The following RALGAPA2 variants were observed in gnomAD, a reference collection of about 807,000 sequenced individuals.
RALGAPA2 encodes Ral GTPase activating protein catalytic subunit alpha 2.
In RALGAPA2, 139 loss-of-function variants were observed where a neutral mutation model predicts 230.4. The ratio of observed to expected loss-of-function variants is 0.60; its 90% CI spans 0.53 to 0.69. The LOEUF (loss-of-function observed/expected upper bound fraction) is 0.69, where lower values mean the gene tolerates loss of function less well. RALGAPA2 is among the 30% of genes least tolerant of loss of function. The pLI, the probability that RALGAPA2 is intolerant of heterozygous loss-of-function variation, is 0.00. For missense variants in RALGAPA2, 2,163 were observed against 2,276.0 expected, an observed-to-expected ratio of 0.95 and a Z score of 1.01; for synonymous variants, 847 against 837.8, an observed-to-expected ratio of 1.01 and a Z score of -0.19.
chr20:20,512,451 T>C (rs2062740752), intron 32 of RALGAPA2, 62 bp downstream of exon 32: 30 of 1,415,898 alleles, frequency 2.1e-5, no homozygotes, highest in Non-Finnish European at 2.8e-5. Flanking sequence ...CACAAACTGA[T>C]AAAAAGAACA....
intron 20 of RALGAPA2, among the ~76,000 whole-genome samples, chr20:20,577,889 T>C (rs2064869381): frequency 6.6e-6 from 1 of 152,054 alleles, no homozygotes; most frequent in Non-Finnish European, 1.5e-5. Context: ...CAGAGATTGG[T>C]CCCCAGCATC....
At chr20:20,710,909 C>T (rs1254053619) in intron 1 of RALGAPA2, among the ~76,000 whole-genome samples, 1 of 152,156 alleles carries the variant, frequency 6.6e-6, no homozygotes, top group Admixed American at 6.5e-5. Context: ...AATGTCCCTG[C>T]AGTAGGTGTT....
At chr20:20,613,979 T>C (rs2066056124) in intron 13 of RALGAPA2, among the ~76,000 whole-genome samples, 1 of 152,210 alleles carries the variant, frequency 6.6e-6, no homozygotes, top group South Asian at 2.1e-4. Flanking sequence ...TATGAGGATG[T>C]AACCTCATGA....
chr20:20,591,046 A>AAG lies in RALGAPA2; in HGVS notation c.2341+130_2341+131insCT, dbSNP rs1306249365. ...TCATTGCCATAAATCACATCCTTCT[A>AAG]ATCAAATTAAAAAGGTAATTCCCTT... On this transcript the variant is annotated intron_variant, in intron 17 of 39. Coordinates refer to ENST00000202677, the MANE Select transcript of RALGAPA2 (RefSeq NM_020343.4). 2.6e-5 allele frequency: 28 copies of AAG among 1,090,350 alleles called. No homozygotes were observed. The African/African-American group carries it at 4.0e-4, about 16-fold the overall frequency. The allele number at this position is 1,090,350 out of a possible 1,614,324, so 67.5% of individuals were successfully genotyped here.
At chr20:20,422,256 C>G (rs562690793) in intron 37 of RALGAPA2, among the ~76,000 whole-genome samples, 55 of 152,234 alleles carry the variant, frequency 3.6e-4, no homozygotes, top group Non-Finnish European at 5.4e-4. Flanking sequence ...TTGTATTATA[C>G]ATTTTAAAAG....
rs1288325048 is a variant in RALGAPA2, at chr20:20,390,296, T to A, written c.*2993A>T. Reference sequence around the variant, plus strand: ...TTTGGGTCACCCCACTTCCCCAACATGTGGCTCTTAGGAACCGCAGACTTT... The same window carrying A: ...TTTGGGTCACCCCACTTCCCCAACAAGTGGCTCTTAGGAACCGCAGACTTT... On this transcript the variant is annotated 3_prime_UTR_variant, in exon 40 of 40. Transcript: ENST00000202677. The A allele has an allele frequency of 1.3e-5, 2 of 152,248 alleles. No individual in the cohort carries two copies. Among genetic ancestry groups the A allele is most frequent in the African/African-American group, 4.8e-5 (2 of 41,466 alleles). The allele number at this position is 152,248 out of a possible 1,614,324, so 9.4% of individuals were successfully genotyped here.
chr20:20,647,597 G>GA (rs1568699986), intron 4 of RALGAPA2, among the ~76,000 whole-genome samples: 1 of 152,066 alleles, frequency 6.6e-6, no homozygotes. Flanking sequence ...ATCCATAAAA[G>GA]AAAAAACTGA....
intron 10 of RALGAPA2, among the ~76,000 whole-genome samples, chr20:20,624,618 A>G (rs991311534): frequency 1.3e-5 from 2 of 152,180 alleles, no homozygotes; most frequent in African/African-American, 4.8e-5. Flanking sequence ...AGAGGGGGCT[A>G]AAGAAAATAC....
intron 31 of RALGAPA2, among the ~76,000 whole-genome samples, chr20:20,513,566 A>T (rs1309145430): frequency 1.3e-5 from 2 of 152,168 alleles, no homozygotes; most frequent in African/African-American, 4.8e-5. Flanking sequence ...TCCAGCTGGT[A>T]AGAGTGAGTG....
chr20:20,681,437 G>T (rs756024655), intron 1 of RALGAPA2, among the ~76,000 whole-genome samples: 3 of 152,148 alleles, frequency 2.0e-5, no homozygotes, highest in African/African-American at 7.2e-5. Flanking sequence ...CACAGACTGC[G>T]GATAGATAGG....
chr20:20,471,414 ATTTTTTTTTTTTTTT>A (rs34179853), intron 37 of RALGAPA2: 2 of 125,518 alleles, frequency 1.6e-5, no homozygotes, highest in Non-Finnish European at 3.4e-5. Flanking sequence ...GTAAAATAAG[ATTTTTTTTTTTTTTT>A]TTTTTTTGCT....
At chr20:20,654,457 T>C (rs553774673) in intron 3 of RALGAPA2, among the ~76,000 whole-genome samples, 1 of 152,364 alleles carries the variant, frequency 6.6e-6, no homozygotes, top group East Asian at 1.9e-4. Context: ...CCCAAAGTGC[T>C]TGGATTACAG....
intron 9 of RALGAPA2, among the ~76,000 whole-genome samples, chr20:20,633,033 CTTTCTT>C: frequency 6.7e-6 from 1 of 149,810 alleles, no homozygotes; most frequent in Non-Finnish European, 1.5e-5. Context: ...CTCTTTCTTT[CTTTCTT>C]TTTCTTTCCT....
In RALGAPA2 at chr20:20,635,638, T is replaced by C. The variant is rs76813178; in HGVS notation, c.806-21A>G. Reference sequence around the variant, plus strand: ...GATGTCTGGTAGAAGAAAGAACACATGATTGATTAGGTTAATAAATCATAA... The same window carrying C: ...GATGTCTGGTAGAAGAAAGAACACACGATTGATTAGGTTAATAAATCATAA... On this transcript the variant is annotated intron_variant, in intron 8 of 39. Coordinates refer to ENST00000202677, the MANE Select transcript of RALGAPA2 (RefSeq NM_020343.4). 1,765 of 1,484,450 alleles carry C rather than the reference T, an allele frequency of 1.2e-3. 16 individuals carry two copies. In the East Asian group the frequency reaches 0.021, roughly 18 times the overall value. 92.0% of individuals were successfully genotyped at this position (1,484,450 alleles called of 1,614,324 possible). A position where few individuals can be genotyped will look rare whatever the true frequency, so the allele number is the denominator to read the frequency against.
chr20:20,645,447 A>G (rs2067182247), intron 4 of RALGAPA2, among the ~76,000 whole-genome samples: 1 of 151,986 alleles, frequency 6.6e-6, no homozygotes, highest in African/African-American at 2.4e-5. Context: ...TGGACTACCT[A>G]TAGATGCCTA....
At chr20:20,702,704 T>A in intron 1 of RALGAPA2, among the ~76,000 whole-genome samples, 1 of 152,336 alleles carries the variant, frequency 6.6e-6, no homozygotes, top group Non-Finnish European at 1.5e-5. Flanking sequence ...CACATTCTTA[T>A]GGCTCTCATA....
At chr20:20,408,758 T>C (rs2059997891) in intron 38 of RALGAPA2, among the ~76,000 whole-genome samples, 1 of 130,280 alleles carries the variant, frequency 7.7e-6, no homozygotes, top group African/African-American at 3.1e-5. Flanking sequence ...GAAATGTATA[T>C]GTGTATATAA....
At chr20:20,413,290 C>T (rs1280787431) in intron 37 of RALGAPA2, among the ~76,000 whole-genome samples, 1 of 152,198 alleles carries the variant, frequency 6.6e-6, no homozygotes, top group Non-Finnish European at 1.5e-5. Flanking sequence ...ACAATTATGT[C>T]CTTTCAATCA....
chr20:20,430,297 G>C (rs1017181087), intron 37 of RALGAPA2, among the ~76,000 whole-genome samples: 1 of 152,214 alleles, frequency 6.6e-6, no homozygotes, highest in Non-Finnish European at 1.5e-5. Context: ...ACAAGGGCAG[G>C]CCTGGATCTC....
Sources: gnomAD v4.1 joint callset for allele counts (sites outside exome capture counted in the v4.1 genomes callset) on GRCh38, gnomAD v4.1.1 for gene constraint, MANE v1.5 for transcripts, NCBI Gene and HGNC (gene_info 2026-07-23, HGNC 2026-07-21) for gene names.